The following VPS13A variants were observed in gnomAD, a reference collection of about 807,000 sequenced individuals.
VPS13A encodes intermembrane lipid transfer protein VPS13A.
In VPS13A, 264 loss-of-function variants were observed where a neutral mutation model predicts 390.9. The observed-to-expected ratio is 0.68, with a 90% CI of 0.61 to 0.75. The LOEUF (loss-of-function observed/expected upper bound fraction) is 0.75. Among genes scored for constraint, VPS13A ranks in the 30% least tolerant of loss-of-function variants. VPS13A has a pLI of 0.00. For missense variants in VPS13A, 3,409 were observed against 3,733.9 expected (o/e 0.91, Z 2.27); for synonymous variants, 1,231 against 1,227.1 (o/e 1.00, Z -0.07).
At chr9:77,386,333 AC>A (rs2131621719) in intron 68 of VPS13A, among the ~76,000 whole-genome samples, 1 of 152,302 alleles carries the variant, frequency 6.6e-6, no homozygotes, top group East Asian at 1.9e-4. Context: ...TTGGCTTCTT[AC>A]ATTCCAACTT....
At chr9:77,262,628 CTGTGTTCATG>C (rs1387719150) in intron 23 of VPS13A, among the ~76,000 whole-genome samples, 1 of 152,072 alleles carries the variant, frequency 6.6e-6, no homozygotes, top group African/African-American at 2.4e-5. Flanking sequence ...GTTCCCCTCC[CTGTGTTCATG>C]TGTTCTCCTT....
In VPS13A at chr9:77,318,407, C is replaced by G. The variant is rs762222698; in HGVS notation, c.5129C>G (p.Ala1710Gly). The G allele has an allele frequency of 2.5e-5, 41 of 1,613,716 alleles. No individual in the cohort carries two copies. The highest frequency in any genetic ancestry group is 3.4e-5 in the Non-Finnish European group (40 of 1,179,904). Residue 1710 changes from alanine (A) to glycine (G), a missense_variant, in exon 41 of 72, where the codon GCT becomes GGT. Transcript: ENST00000360280. Reference sequence around the variant, plus strand: ...GAATCAAATGAAACTGAAAAAATAGCTCCCACAACTGAATTGGTACCCAAA... The same window carrying G: ...GAATCAAATGAAACTGAAAAAATAGGTCCCACAACTGAATTGGTACCCAAA... ...LEESNETEKI[A>G]PTTELVPKGE...
Position 77,207,252 on chromosome 9 carries a change from T to TATATATATATATTA in VPS13A, c.385+1174_385+1175insTATATATATATTAA. 1.4e-3 allele frequency among the ~76,000 whole-genome samples: 125 copies of TATATATATATATTA among 87,242 alleles called. 6 individuals are homozygous for TATATATATATATTA. Among genetic ancestry groups the TATATATATATATTA allele is most frequent in the East Asian group, 4.1e-3 (11 of 2,712 alleles). 57.2% of individuals were successfully genotyped at this position (87,242 alleles called of 152,430 possible). Reference sequence around the variant, plus strand: ...ATATATATATATATATATATATATATAAAACGTGTTATATGTAACATAACA... The same window carrying TATATATATATATTA: ...ATATATATATATATATATATATATATATATATATATATTAAAAACGTGTTATATGTAACATAACA... On this transcript the variant is annotated intron_variant, in intron 5 of 71. Transcript: ENST00000360280.
chr9:77,265,424 C>T (rs1184299172), intron 23 of VPS13A, among the ~76,000 whole-genome samples: 1 of 152,046 alleles, frequency 6.6e-6, no homozygotes, highest in East Asian at 1.9e-4. Flanking sequence ...TCTATCTGGT[C>T]GTGGGCTTTT....
intron 13 of VPS13A, 68 bp from the exon 14 acceptor site, chr9:77,225,858 T>A: frequency 8.1e-7 from 1 of 1,229,460 alleles, no homozygotes; most frequent in East Asian, 2.3e-5. Flanking sequence ...TTTGATAGAT[T>A]ATGTGCTTAA....
rs567802609 is a variant in VPS13A, at chr9:77,303,786, C to T, written c.3960+724C>T. 2.3e-3 allele frequency among the ~76,000 whole-genome samples: 355 copies of T among 152,278 alleles called. 1 individual carries two copies. Among genetic ancestry groups the T allele is most frequent in the Middle Eastern group, 0.017 (5 of 294 alleles). Reference sequence around the variant, plus strand: ...TATGTTTCTCTCCACCCAAACATCTCAGTGGAGTAAAGAATAACAAAGCAG... The same window carrying T: ...TATGTTTCTCTCCACCCAAACATCTTAGTGGAGTAAAGAATAACAAAGCAG... On this transcript the variant is annotated intron_variant, in intron 34 of 71. Coordinates refer to ENST00000360280, the MANE Select transcript of VPS13A (RefSeq NM_033305.3).
rs187719314 is a variant in VPS13A, at chr9:77,224,919, A to G, written c.1162-1007A>G. On this transcript the variant is annotated intron_variant, in intron 13 of 71. Transcript: ENST00000360280. ...GCAATAGCCACCCCAACCTTCAGCA[A>G]TCACCACCCTGATGAGTCAGCAGCT... 5.9e-5 allele frequency among the ~76,000 whole-genome samples: 9 copies of G among 152,322 alleles called. No individual in the cohort carries two copies. The South Asian group carries it at 1.2e-3, about 21-fold the overall frequency.
At chr9:77,342,036 C>T (rs751004998) in intron 50 of VPS13A, among the ~76,000 whole-genome samples, 1 of 151,874 alleles carries the variant, frequency 6.6e-6, no homozygotes, top group Non-Finnish European at 1.5e-5. Flanking sequence ...AGTTCAAGAG[C>T]CAGGGGTGGT....
At chr9:77,327,600 CA>C (rs1388059060) in intron 45 of VPS13A, among the ~76,000 whole-genome samples, 1 of 151,158 alleles carries the variant, frequency 6.6e-6, no homozygotes, top group African/African-American at 2.4e-5. Context: ...TTATCTATTC[CA>C]AAGATAAATA....
At chr9:77,369,088 G>A (rs1344675462) in intron 62 of VPS13A, among the ~76,000 whole-genome samples, 1 of 152,014 alleles carries the variant, frequency 6.6e-6, no homozygotes, top group African/African-American at 2.4e-5. Flanking sequence ...CCGAGATGGC[G>A]CCACCGCATT....
At chr9:77,292,996 A>G (rs1827765622) in intron 31 of VPS13A, among the ~76,000 whole-genome samples, 1 of 152,172 alleles carries the variant, frequency 6.6e-6, no homozygotes, top group Non-Finnish European at 1.5e-5. Context: ...CAGTCAATCA[A>G]GAAATACATG....
chr9:77,380,393 A>C (rs1833361577), intron 67 of VPS13A, among the ~76,000 whole-genome samples: 1 of 150,928 alleles, frequency 6.6e-6, no homozygotes, highest in African/African-American at 2.4e-5. Context: ...GCTCACTGCA[A>C]CCTCCACCTC....
chr9:77,386,948 C>G (rs1833713530), intron 68 of VPS13A, among the ~76,000 whole-genome samples: 2 of 152,004 alleles, frequency 1.3e-5, no homozygotes, highest in Non-Finnish European at 2.9e-5. Context: ...TCGTGATCCG[C>G]CTGCCTCGGC....
chr9:77,306,914 T>TA (rs1402423305), intron 34 of VPS13A, among the ~76,000 whole-genome samples: 3 of 150,386 alleles, frequency 2.0e-5, no homozygotes, highest in East Asian at 1.9e-4. Flanking sequence ...CTCTTTATTT[T>TA]TTTTTTTTTT....
chr9:77,227,325 C>T, intron 15 of VPS13A, 66 bp from the exon 16 acceptor site: 1 of 1,104,980 alleles, frequency 9.0e-7, no homozygotes, highest in Non-Finnish European at 1.4e-6. Flanking sequence ...TTATTAAAGG[C>T]AGATACATTG....
intron 1 of VPS13A, among the ~76,000 whole-genome samples, chr9:77,195,519 T>C (rs915210388): frequency 6.6e-6 from 1 of 152,120 alleles, no homozygotes; most frequent in African/African-American, 2.4e-5. Flanking sequence ...GGTGGATCAC[T>C]TGAGGTCAGC....
At chr9:77,238,797 A>G (rs1273597491) in intron 19 of VPS13A, among the ~76,000 whole-genome samples, 1 of 152,144 alleles carries the variant, frequency 6.6e-6, no homozygotes, top group Non-Finnish European at 1.5e-5. Context: ...TATTTGGCAG[A>G]GCTTAATGGT....
Position 77,318,551 on chromosome 9 carries a change from G to A in VPS13A, c.5273G>A (p.Trp1758Ter). The A allele has an allele frequency of 6.2e-7, 1 of 1,613,790 alleles. No individual in the cohort carries two copies. Among genetic ancestry groups the A allele is most frequent in the Non-Finnish European group, 8.5e-7 (1 of 1,179,888 alleles). Reference sequence around the variant, plus strand: ...CGTTTTTCAGGGGAAGGCAAAAACTGGAGTTCCCTAATAAATCTGCACTGT... The same window carrying A: ...CGTTTTTCAGGGGAAGGCAAAAACTAGAGTTCCCTAATAAATCTGCACTGT... Reference protein sequence around the residue: ...KSRFSGEGKNWSSLINLHCQL... With the variant: ...KSRFSGEGKN Residue 1758 changes from tryptophan to a stop codon, truncating the protein, a stop_gained, in exon 41 of 72, where the codon TGG becomes TAG. Transcript: ENST00000360280. LOFTEE classifies it high-confidence loss of function.
intron 17 of VPS13A, among the ~76,000 whole-genome samples, chr9:77,234,701 A>C (rs960634678): frequency 6.6e-6 from 1 of 152,000 alleles, no homozygotes; most frequent in Non-Finnish European, 1.5e-5. Context: ...CCATTTTGCT[A>C]TTTGTTTATT....
Sources: allele counts gnomAD v4.1 joint callset (sites outside exome capture counted in the v4.1 genomes callset), GRCh38; gene constraint gnomAD v4.1.1; transcripts MANE v1.5; gene names NCBI Gene and HGNC (gene_info 2026-07-23, HGNC 2026-07-21).